The following ETS2 variants were observed in gnomAD, a reference collection of about 807,000 sequenced individuals.
ETS2 encodes the protein protein C-ets-2.
In ETS2, 19 loss-of-function variants were observed where a neutral mutation model predicts 54.9. The observed-to-expected ratio is 0.35, with a 90% confidence interval of 0.24 to 0.51. ETS2 has a LOEUF of 0.51. ETS2 is among the 20% of genes least tolerant of loss of function. The probability of loss-of-function intolerance (pLI) is 0.97; values close to 1 mark genes in which losing one functional copy is unlikely to be tolerated. For missense variants in ETS2, 417 were observed against 593.0 expected, an observed-to-expected ratio of 0.70 and a Z score of 3.08; for synonymous variants, 219 against 229.3, an observed-to-expected ratio of 0.95 and a Z score of 0.41.
At position 38,814,255 on chromosome 21, in the gene ETS2, T is replaced by TG. The variant is rs372831939; in HGVS notation, c.185-12dup. 484 of 1,613,466 alleles carry TG rather than the reference T, an allele frequency of 3.0e-4. 6 individuals carry two copies. In the African/African-American group the frequency reaches 5.5e-3, roughly 18 times the overall value. ...CCAACTTGAAGTCCTAATGTCCCCATGGGGGGTTTCCTTCCAGACTCCGCC... is the reference window on the plus strand; with the variant it reads ...CCAACTTGAAGTCCTAATGTCCCCATGGGGGGGTTTCCTTCCAGACTCCGCC... On this transcript the variant is annotated splice_polypyrimidine_tract_variant and intron_variant, in intron 3 of 9. Transcript: ENST00000360938. The surrounding 1 kb of genome is among the most constrained non-coding windows in gnomAD (Gnocchi z 4.2).
intron 2 of ETS2, among the ~76,000 whole-genome samples, chr21:38,812,466 G>A (rs371080491): frequency 2.0e-5 from 3 of 152,282 alleles, no homozygotes; most frequent in South Asian, 2.1e-4. Flanking sequence ...CAGTCACTCC[G>A]ACTCTGTGAG....
At chr21:38,808,076 C>T (rs951901615) in intron 1 of ETS2, among the ~76,000 whole-genome samples, 1 of 152,026 alleles carries the variant, frequency 6.6e-6, no homozygotes, top group African/African-American at 2.4e-5. Flanking sequence ...CATGTTCTCC[C>T]GGCACAGAGG....
intron 1 of ETS2, among the ~76,000 whole-genome samples, chr21:38,808,591 T>TGTGC (rs763783598): frequency 0.014 from 64 of 4,654 alleles, no homozygotes; most frequent in African/African-American, 0.043. Context: ...TGTGTGTGTA[T>TGTGC]GTGTGTGTGT....
At chr21:38,808,590 A>ATGTGTGTGTGTGTG (rs56269044) in intron 1 of ETS2, among the ~76,000 whole-genome samples, 4,455 of 148,296 alleles carry the variant, frequency 0.03, 102 homozygotes, top group African/African-American at 0.044. Flanking sequence ...GTGTGTGTGT[A>ATGTGTGTGTGTGTG]TGTGTGTGTG....
intron 1 of ETS2, 67 bp from the exon 2 acceptor site, chr21:38,809,968 G>T: frequency 9.9e-7 from 1 of 1,011,946 alleles, no homozygotes; most frequent in Non-Finnish European, 1.5e-6. Flanking sequence ...AAGTCTTGAT[G>T]CCACCAATGA....
At chr21:38,815,943 G>A (rs1234446979) in intron 5 of ETS2, among the ~76,000 whole-genome samples, 1 of 34 alleles carries the variant, frequency 0.029, no homozygotes, top group South Asian at 0.25. Context: ...TGAAAGGAAG[G>A]AAGGAAGGAA....
intron 8 of ETS2, 72 bp downstream of exon 8, chr21:38,819,838 A>G: frequency 6.9e-7 from 1 of 1,456,442 alleles, no homozygotes. Context: ...TTCGAGCCAC[A>G]GTACCACATT....
At chr21:38,816,452 T>C (rs2060935840) in intron 5 of ETS2, among the ~76,000 whole-genome samples, 1 of 152,156 alleles carries the variant, frequency 6.6e-6, no homozygotes, top group African/African-American at 2.4e-5. Context: ...GGTTTCCGGG[T>C]GGACGTGCAC....
chr21:38,815,102 C>A, intron 5 of ETS2, 121 bp downstream of exon 5: 2 of 921,902 alleles, frequency 2.2e-6, no homozygotes, highest in Non-Finnish European at 1.7e-6. Context: ...ACATAGAGTA[C>A]CTTGCCTCAA....
chr21:38,822,247 C>T (rs1462688648), intron 9 of ETS2, among the ~76,000 whole-genome samples: 3 of 152,228 alleles, frequency 2.0e-5, no homozygotes, highest in Admixed American at 6.5e-5. Context: ...ATTCCCACCC[C>T]GCCTCCAGTT....
chr21:38,809,244 C>G (rs1336678273), intron 1 of ETS2, among the ~76,000 whole-genome samples: 1 of 152,076 alleles, frequency 6.6e-6, no homozygotes, highest in East Asian at 1.9e-4. Context: ...TTGTACTAGC[C>G]ACTGGTTGAG....
rs551422118 is a variant in ETS2, at chr21:38,812,848, T to G, written c.73-155T>G. On this transcript the variant is annotated intron_variant, in intron 2 of 9. Transcript: ENST00000360938. ...AGTCACTTTGACCATTTTACGAGTC[T>G]GTTTTAAGGACTGACTGGTTGATTC... Among the ~76,000 whole-genome samples, 14 of 152,340 alleles carry G rather than the reference T, an allele frequency of 9.2e-5. No individual in the cohort carries two copies. In the South Asian group the frequency reaches 2.9e-3, roughly 32 times the overall value.
chr21:38,812,532 G>A lies in ETS2; in HGVS notation c.73-471G>A, dbSNP rs562014438. On this transcript the variant is annotated intron_variant, in intron 2 of 9. Coordinates refer to ENST00000360938, the MANE Select transcript of ETS2 (RefSeq NM_005239.6). The stretch of plus-strand genomic sequence containing the variant: ...ACCGTGGCTCACGCCTGTAATCCCA[G>A]CACTTTGGGAGGCCAAGGCGGGTGG... 1.8e-4 allele frequency among the ~76,000 whole-genome samples: 28 copies of A among 152,370 alleles called. No homozygotes were observed. The East Asian group carries it at 4.8e-3, about 26-fold the overall frequency.
Position 38,806,830 on chromosome 21 carries a change from T to A in ETS2, c.-1+710T>A. ...AGAGGTAACTGAGTGTTTGCTTGTGTGTGTTTGGGTTGCGTGTGTGTTATC... is the reference window on the plus strand; with the variant it reads ...AGAGGTAACTGAGTGTTTGCTTGTGAGTGTTTGGGTTGCGTGTGTGTTATC... On this transcript the variant is annotated intron_variant, in intron 1 of 9. Coordinates refer to ENST00000360938, the MANE Select transcript of ETS2 (RefSeq NM_005239.6). The surrounding 1 kb of genome is among the most constrained non-coding windows in gnomAD (Gnocchi z 4.3). The A allele has an allele frequency of 1.0e-6, 1 of 985,458 alleles. No homozygotes were observed. The highest frequency in any genetic ancestry group is 1.1e-4 in the East Asian group (1 of 8,812). 61.0% of individuals were successfully genotyped at this position (985,458 alleles called of 1,614,324 possible).
chr21:38,820,270 T>TTTCAA (rs762395994), intron 8 of ETS2, among the ~76,000 whole-genome samples: 4 of 152,234 alleles, frequency 2.6e-5, no homozygotes, highest in Admixed American at 1.3e-4. Context: ...TCCAGTACTT[T>TTTCAA]AGCGAAAATA....
chr21:38,817,060 C>T lies in ETS2; in HGVS notation c.558C>T (p.Ser186=), dbSNP rs777032839. 11 of 1,612,550 alleles carry T rather than the reference C, an allele frequency of 6.8e-6. No homozygotes were observed. Among genetic ancestry groups the T allele is most frequent in the South Asian group, 5.5e-5 (5 of 91,026 alleles). ...DQYEENSHLT[S]VPHWINSNTL... ...ATGAAGAAAATTCACACCTCACCTC[C>T]GTTCCTCATTGGATTAACAGCAATA... Residue 186 remains serine (S), a synonymous_variant, in exon 6 of 10, where the codon TCC becomes TCT. Transcript: ENST00000360938.
chr21:38,814,998 T>A lies in ETS2; in HGVS notation c.505+17T>A. 1 of 1,610,910 alleles carries A rather than the reference T, an allele frequency of 6.2e-7. No individual in the cohort carries two copies. Among genetic ancestry groups the A allele is most frequent in the Non-Finnish European group, 8.5e-7 (1 of 1,177,144 alleles). ...TGATCAAAGGTACCAGCTGAACGTC[T>A]TACTTCTCCTTGTCCAGGATGAGCT... On this transcript the variant is annotated intron_variant, in intron 5 of 9. Coordinates refer to ENST00000360938, the MANE Select transcript of ETS2 (RefSeq NM_005239.6). The surrounding 1 kb of genome is among the most constrained non-coding windows in gnomAD (Gnocchi z 4.2).
chr21:38,810,087 G>A lies in ETS2; in HGVS notation c.53G>A (p.Ser18Asn). 1 of 1,550,816 alleles carries A rather than the reference G, an allele frequency of 6.4e-7. No individual in the cohort carries two copies. The highest frequency in any genetic ancestry group is 8.6e-7 in the Non-Finnish European group (1 of 1,156,074). The change falls in exon 2 of 10, where the codon AGT (serine) becomes AAT (asparagine). Residue 18 changes from serine (S) to asparagine (N), a missense_variant. By Grantham distance (46) the Ser-to-Asn change is conservative. Coordinates refer to ENST00000360938, the MANE Select transcript of ETS2 (RefSeq NM_005239.6). ...NMDQVAPVANSYRGTLKRQPA... is the reference protein window; with the variant it reads ...NMDQVAPVANNYRGTLKRQPA... ...GACCAGGTAGCCCCTGTGGCTAACAGTTACAGAGGGACACTCAAGGTGAGT... is the reference window on the plus strand; with the variant it reads ...GACCAGGTAGCCCCTGTGGCTAACAATTACAGAGGGACACTCAAGGTGAGT...
chr21:38,805,221 G>A (rs1175054297), upstream of ETS2: 3 of 763,182 alleles, frequency 3.9e-6, no homozygotes, highest in Non-Finnish European at 5.3e-6. This position sits in a 1 kb window ranked among gnomAD's most constrained non-coding sequence, Gnocchi z 5.2. Flanking sequence ...GGCTTCCCGG[G>A]AGCAGCGCGA....
Sources: gnomAD v4.1 joint callset for allele counts (sites outside exome capture counted in the v4.1 genomes callset) on GRCh38, gnomAD v4.1.1 for gene constraint, Gnocchi (gnomAD v3.1) non-coding constraint, MANE v1.5 for transcripts, NCBI Gene and HGNC (gene_info 2026-07-23, HGNC 2026-07-21) for gene names.